Variants in NPPB observed in about 807,000 individuals in gnomAD.
The protein encoded by NPPB is natriuretic peptide B.
In NPPB, 13 loss-of-function variants were observed where a neutral mutation model predicts 12.7. The ratio of observed to expected loss-of-function variants is 1.03; its 90% confidence interval spans 0.67 to 1.63. The LOEUF is 1.63. Among genes scored for constraint, NPPB ranks in the 40% most tolerant of loss-of-function variants. The pLI is 0.00. For synonymous variants in NPPB, 66 were observed against 74.7 expected (o/e 0.88, Z 0.60); for missense variants, 184 against 172.9 (o/e 1.06, Z -0.36).
intron 1 of NPPB, 71 bp downstream of exon 1, chr1:11,858,631 C>T: frequency 1.9e-6 from 3 of 1,609,714 alleles, no homozygotes; most frequent in East Asian, 2.2e-5. Flanking sequence ...AGATGAGGGC[C>T]TCTTGGGACA....
In NPPB at chr1:11,858,290, G is replaced by A. The variant is rs749390211; in HGVS notation, c.312C>T (p.Pro104=). ...VLYTLRAPRS[P]KMVQGSGCFG... ...AGCAGCCAGACCCTTGCACCATCTT[G>A]GGGCTTCGTGGTGCCCGCAGGGTGT... The change falls in exon 2 of 3, where the codon CCC becomes CCT. Residue 104 remains proline (P), a synonymous_variant. Transcript: ENST00000376468. The A allele has an allele frequency of 1.9e-5, 30 of 1,613,970 alleles. No individual in the cohort carries two copies. The highest frequency in any genetic ancestry group is 3.3e-5 in the Admixed American group (2 of 59,994).
In NPPB at chr1:11,857,533, T is replaced by C. The variant is rs1216859450; in HGVS notation, c.*122A>G. 82 of 934,004 alleles carry C rather than the reference T, an allele frequency of 8.8e-5. No homozygotes were observed. Among genetic ancestry groups the C allele is most frequent in the Admixed American group, 1.1e-4 (5 of 44,240 alleles). 57.9% of individuals were successfully genotyped at this position (934,004 alleles called of 1,614,324 possible). On this transcript the variant is annotated 3_prime_UTR_variant, in exon 3 of 3. Coordinates refer to ENST00000376468, the MANE Select transcript of NPPB (RefSeq NM_002521.3). ...CTCAAAGGTAAGAAACCATCTTATATAAAACAATCAAATAAATACATAAAT... is the reference window on the plus strand; with the variant it reads ...CTCAAAGGTAAGAAACCATCTTATACAAAACAATCAAATAAATACATAAAT...
At chr1:11,857,708 T>A in intron 2 of NPPB, 37 bp from the exon 3 acceptor site, 1 of 1,613,072 alleles carries the variant, frequency 6.2e-7, no homozygotes, top group Non-Finnish European at 8.5e-7. Flanking sequence ...ATGGTTAGGG[T>A]GGGAGATGGA....
chr1:11,858,488 T>C lies in NPPB; in HGVS notation c.133-19A>G, dbSNP rs761253107. On this transcript the variant is annotated intron_variant, in intron 1 of 2. Coordinates refer to ENST00000376468, the MANE Select transcript of NPPB (RefSeq NM_002521.3). ...GCTGCTCCTGCAATGAATGGGGGCG[T>C]CCAAGCCTCAGGGACCCACCCCTGG... is the stretch of plus-strand genomic sequence containing the variant. The C allele has an allele frequency of 3.3e-6, 5 of 1,532,024 alleles. No individual in the cohort carries two copies. Among genetic ancestry groups the C allele is most frequent in the Non-Finnish European group, 4.4e-6 (5 of 1,141,104 alleles). 94.9% of individuals were successfully genotyped at this position (1,532,024 alleles called of 1,614,324 possible). A position where few individuals can be genotyped will look rare whatever the true frequency, so the allele number is the denominator to read the frequency against.
At position 11,857,493 on chromosome 1, in the gene NPPB, C is replaced by A; in HGVS notation, c.*162G>T. On this transcript the variant is annotated 3_prime_UTR_variant, in exon 3 of 3. Coordinates refer to ENST00000376468, the MANE Select transcript of NPPB (RefSeq NM_002521.3). Reference sequence around the variant, plus strand: ...GCTTATAATGTTGACTTTATTTCACCGTGGAAATTTTGTGCTCAAAGGTAA... The same window carrying A: ...GCTTATAATGTTGACTTTATTTCACAGTGGAAATTTTGTGCTCAAAGGTAA... 1.6e-6 allele frequency: 1 copy of A among 641,296 alleles called. No homozygotes were observed. The highest frequency in any genetic ancestry group is 2.8e-6 in the Non-Finnish European group (1 of 361,258). 39.7% of individuals were successfully genotyped at this position (641,296 alleles called of 1,614,324 possible). A position where few individuals can be genotyped will look rare whatever the true frequency, so the allele number is the denominator to read the frequency against.
rs1427957150 is a variant in NPPB at position 11,858,893 on chromosome 1, G to A, written c.-60C>T. ...CTTCTGCTGCTGCTGCTGCTGCTGCGATGCGTCCGGGTTTGCTTCCCACCT... is the reference window on the plus strand; with the variant it reads ...CTTCTGCTGCTGCTGCTGCTGCTGCAATGCGTCCGGGTTTGCTTCCCACCT... On this transcript the variant is annotated 5_prime_UTR_variant, in exon 1 of 3. Transcript: ENST00000376468. 8 of 1,576,096 alleles carry A rather than the reference G, an allele frequency of 5.1e-6. No homozygotes were observed. The highest frequency in any genetic ancestry group is 6.9e-6 in the Non-Finnish European group (8 of 1,162,106).
At position 11,857,686 on chromosome 1, in the gene NPPB, G is replaced by A; in HGVS notation, c.389-15C>T. On this transcript the variant is annotated splice_polypyrimidine_tract_variant and intron_variant, in intron 2 of 2. Coordinates refer to ENST00000376468, the MANE Select transcript of NPPB (RefSeq NM_002521.3). ...CCGCCTCAGCACTGTCAGGGAAAGAGAGAGGGTGATGATGGTTAGGGTGGG... is the reference window on the plus strand; with the variant it reads ...CCGCCTCAGCACTGTCAGGGAAAGAAAGAGGGTGATGATGGTTAGGGTGGG... 6.2e-7 allele frequency: 1 copy of A among 1,613,954 alleles called. No individual in the cohort carries two copies. The highest frequency in any genetic ancestry group is 8.5e-7 in the Non-Finnish European group (1 of 1,179,896).
At position 11,858,390 on chromosome 1, in the gene NPPB, G is replaced by T; in HGVS notation, c.212C>A (p.Pro71His). Reference protein sequence around the residue: ...QTSLEPLQESPRPTGVWKSRE... With the variant: ...QTSLEPLQESHRPTGVWKSRE... Reference sequence around the variant, plus strand: ...GGACTTCCAGACACCTGTGGGACGGGGGCTCTCCTGGAGGGGCTCCAGGGA... The same window carrying T: ...GGACTTCCAGACACCTGTGGGACGGTGGCTCTCCTGGAGGGGCTCCAGGGA... Residue 71 changes from proline to histidine, a missense_variant, in exon 2 of 3, where the codon CCC becomes CAC. By Grantham distance (77) the Pro-to-His change is moderately conservative (BLOSUM62 -2). Transcript: ENST00000376468. 6.3e-7 allele frequency: 1 copy of T among 1,596,788 alleles called. No individual in the cohort carries two copies. The highest frequency in any genetic ancestry group is 8.5e-7 in the Non-Finnish European group (1 of 1,170,316).
rs1377282810 is a variant in NPPB, at chr1:11,858,199, G to T, written c.388+15C>A. The T allele has an allele frequency of 1.3e-6, 2 of 1,582,818 alleles. No homozygotes were observed. Among genetic ancestry groups the T allele is most frequent in the Non-Finnish European group, 1.7e-6 (2 of 1,161,866 alleles). ...GGAATGGGGGAAGGCGGCCGGGGTGGCAGGGGGTGCTTACCTTTGCAGCCC... is the reference window on the plus strand; with the variant it reads ...GGAATGGGGGAAGGCGGCCGGGGTGTCAGGGGGTGCTTACCTTTGCAGCCC... On this transcript the variant is annotated intron_variant, in intron 2 of 2. Coordinates refer to ENST00000376468, the MANE Select transcript of NPPB (RefSeq NM_002521.3).
rs1364611115 is a variant in NPPB at position 11,858,270 on chromosome 1, C to G, written c.332G>C (p.Gly111Ala). 6.2e-7 allele frequency: 1 copy of G among 1,613,932 alleles called. No individual in the cohort carries two copies. Among genetic ancestry groups the G allele is most frequent in the South Asian group, 1.1e-5 (1 of 91,066 alleles). Residue 111 changes from glycine (G) to alanine (A), a missense_variant, in exon 2 of 3, where the codon GGC (glycine) becomes GCC (alanine). Gly to Ala is a moderately conservative substitution (Grantham distance 60, BLOSUM62 0). Transcript: ENST00000376468. Reference protein sequence around the residue: ...PRSPKMVQGSGCFGRKMDRIS... With the variant: ...PRSPKMVQGSACFGRKMDRIS... ...CCGGTCCATCTTCCTCCCAAAGCAGCCAGACCCTTGCACCATCTTGGGGCT... is the reference window on the plus strand; with the variant it reads ...CCGGTCCATCTTCCTCCCAAAGCAGGCAGACCCTTGCACCATCTTGGGGCT...
Position 11,858,680 on chromosome 1 carries a change from C to T in NPPB, c.132+22G>A, listed in dbSNP as rs772261102. Reference sequence around the variant, plus strand: ...CTTTCATTGCTGCTGTCCAATCCCCCTGAGCTGCCCTCCGCTCTCACCTGT... The same window carrying T: ...CTTTCATTGCTGCTGTCCAATCCCCTTGAGCTGCCCTCCGCTCTCACCTGT... On this transcript the variant is annotated intron_variant, in intron 1 of 2. Transcript: ENST00000376468. 2.5e-6 allele frequency: 4 copies of T among 1,614,202 alleles called. No individual in the cohort carries two copies. In the East Asian group the frequency reaches 6.7e-5, roughly 27 times the overall value.
Position 11,858,773 on chromosome 1 carries a change from A to G in NPPB, c.61T>C (p.Phe21Leu). 6.2e-7 allele frequency: 1 copy of G among 1,614,158 alleles called. No individual in the cohort carries two copies. The highest frequency in any genetic ancestry group is 1.1e-5 in the South Asian group (1 of 91,080). ...AGCGGGTGGGAACGACCTCCCAGGAAAGCCAGATGCAAGAAGAGCAGGAGC... is the reference window on the plus strand; with the variant it reads ...AGCGGGTGGGAACGACCTCCCAGGAGAGCCAGATGCAAGAAGAGCAGGAGC... The part of the protein sequence containing the change: ...LLLLLFLHLA[F>L]LGGRSHPLGS... Residue 21 changes from phenylalanine (F) to leucine (L), a missense_variant, in exon 1 of 3, where the codon TTC becomes CTC. Physicochemically the swap from Phe to Leu is conservative, Grantham distance 22. Transcript: ENST00000376468.
chr1:11,857,557 A>G lies in NPPB; in HGVS notation c.*98T>C. ...ATAAAACAATCAAATAAATACATAA[A>G]TACATTAAAAAAATGAGTCACTTCA... On this transcript the variant is annotated 3_prime_UTR_variant, in exon 3 of 3. Coordinates refer to ENST00000376468, the MANE Select transcript of NPPB (RefSeq NM_002521.3). 1.8e-6 allele frequency: 2 copies of G among 1,113,774 alleles called. No homozygotes were observed. The highest frequency in any genetic ancestry group is 2.7e-6 in the Non-Finnish European group (2 of 754,052). 69.0% of individuals were successfully genotyped at this position (1,113,774 alleles called of 1,614,324 possible).
chr1:11,858,726 C>G lies in NPPB; in HGVS notation c.108G>C (p.Ser36=), dbSNP rs1039076006. ...SHPLGSPGSA[S]DLETSGLQEQ... ...CCTGTAACCCGGACGTTTCCAAGTC[C>G]GAGGCTGAACCGGGGCTGCCCAGCG... The change falls in exon 1 of 3, where the codon TCG becomes TCC. Residue 36 remains serine, a synonymous_variant. Transcript: ENST00000376468. The G allele has an allele frequency of 2.5e-6, 4 of 1,614,084 alleles. No homozygotes were observed. The African/African-American group carries it at 5.3e-5, about 22-fold the overall frequency.
At position 11,858,622 on chromosome 1, in the gene NPPB, G is replaced by T. The variant is rs963516443; in HGVS notation, c.132+80C>A. ...CCTTTATCACTAATTCCAAAGGAAAGATGAGGGCCTCTTGGGACAGCAGGT... is the reference window on the plus strand; with the variant it reads ...CCTTTATCACTAATTCCAAAGGAAATATGAGGGCCTCTTGGGACAGCAGGT... On this transcript the variant is annotated intron_variant, in intron 1 of 2. Transcript: ENST00000376468. 5 of 1,606,304 alleles carry T rather than the reference G, an allele frequency of 3.1e-6. No homozygotes were observed. The African/African-American group carries it at 6.7e-5, about 22-fold the overall frequency.
chr1:11,858,529 A>G (rs1645134918), intron 1 of NPPB, 60 bp from the exon 2 acceptor site: 1 of 1,542,744 alleles, frequency 6.5e-7, no homozygotes, highest in Admixed American at 2.2e-5. Flanking sequence ...CCAGCCCTTC[A>G]TGGCACCCAA....
At position 11,858,406 on chromosome 1, in the gene NPPB, G is replaced by A; in HGVS notation, c.196C>T (p.Pro66Ser). ...GTGGGACGGGGGCTCTCCTGGAGGG[G>A]CTCCAGGGATGTCTGCTCCACCTGC... Reference protein sequence around the residue: ...ELQVEQTSLEPLQESPRPTGV... With the variant: ...ELQVEQTSLESLQESPRPTGV... The change falls in exon 2 of 3, where the codon CCC (proline) becomes TCC (serine). Residue 66 changes from proline to serine, a missense_variant. By Grantham distance (74) the Pro-to-Ser change is moderately conservative. Coordinates refer to ENST00000376468, the MANE Select transcript of NPPB (RefSeq NM_002521.3). The A allele has an allele frequency of 6.4e-7, 1 of 1,573,422 alleles. No individual in the cohort carries two copies. The highest frequency in any genetic ancestry group is 8.6e-7 in the Non-Finnish European group (1 of 1,158,692).
rs115661854 is a variant in NPPB, at chr1:11,858,092, C to T, written c.388+122G>A. ...CCTGAAGGCTGTTAACAAGAGGAAG[C>T]GATGTCCAGGTGACCTTTTCTCAAA... is the stretch of plus-strand genomic sequence containing the variant. On this transcript the variant is annotated intron_variant, in intron 2 of 2. Coordinates refer to ENST00000376468, the MANE Select transcript of NPPB (RefSeq NM_002521.3). 1.9e-3 allele frequency: 1,761 copies of T among 942,440 alleles called. 12 individuals are homozygous for T. In the African/African-American group the frequency reaches 0.021, roughly 11 times the overall value. 58.4% of individuals were successfully genotyped at this position (942,440 alleles called of 1,614,324 possible).
In NPPB at chr1:11,858,903, G is replaced by A. The variant is rs936378921; in HGVS notation, c.-70C>T. 3.7e-6 allele frequency: 6 copies of A among 1,609,550 alleles called. No homozygotes were observed. Among genetic ancestry groups the A allele is most frequent in the Non-Finnish European group, 5.1e-6 (6 of 1,179,076 alleles). On this transcript the variant is annotated 5_prime_UTR_variant, in exon 1 of 3. Coordinates refer to ENST00000376468, the MANE Select transcript of NPPB (RefSeq NM_002521.3). ...TGCTGCTGCTGCTGCGATGCGTCCG[G>A]GTTTGCTTCCCACCTGCCCTCAGCC...
Sources: gnomAD v4.1 joint callset for allele counts on GRCh38, gnomAD v4.1.1 for gene constraint, MANE v1.5 for transcripts, NCBI Gene and HGNC (gene_info 2026-07-23, HGNC 2026-07-21) for gene names.